Variants in CRB2 observed in about 807,000 individuals in gnomAD.
CRB2 encodes the protein protein crumbs homolog 2.
In CRB2, 85 loss-of-function variants were observed where a neutral mutation model predicts 110.9. That is an observed-to-expected ratio of 0.77 (90% CI 0.64 to 0.92). The LOEUF is 0.92. Among genes scored for constraint, CRB2 ranks in the 40% least tolerant of loss-of-function variants. The pLI is 0.00. For synonymous variants in CRB2, 907 were observed against 831.0 expected (o/e 1.09, Z -1.57); for missense variants, 1,843 against 1,851.3 (o/e 1.00, Z 0.08).
At chr9:123,359,560 C>T (rs946521650) in intron 1 of CRB2, among the ~76,000 whole-genome samples, 2 of 151,296 alleles carry the variant, frequency 1.3e-5, no homozygotes, top group African/African-American at 4.9e-5. Context: ...GCCATCCTCC[C>T]ACCTCAGCCT....
chr9:123,368,652 G>A, intron 6 of CRB2: 1 of 411,954 alleles, frequency 2.4e-6, no homozygotes, highest in Non-Finnish European at 3.4e-6. Flanking sequence ...CTCACTGTTG[G>A]GTGACAGGGA....
At position 123,373,599 on chromosome 9, in the gene CRB2, C is replaced by T; in HGVS notation, c.3068C>T (p.Pro1023Leu). 1 of 1,397,438 alleles carries T rather than the reference C, an allele frequency of 7.2e-7. No individual in the cohort carries two copies. Among genetic ancestry groups the T allele is most frequent in the Non-Finnish European group, 9.3e-7 (1 of 1,080,614 alleles). The allele number at this position is 1,397,438 out of a possible 1,614,324, so 86.6% of individuals were successfully genotyped here. Residue 1023 changes from proline (P) to leucine (L), a missense_variant, in exon 10 of 13, where the codon CCC (proline) becomes CTC (leucine). Physicochemically the swap from Pro to Leu is moderately conservative, Grantham distance 98. Transcript: ENST00000373631. ...GGCCGCGTGGCGCTGGGCGGCCTGC[C>T]CCTGCCCTTGGCGCGGCCCCGGCCC... ...CLGRVALGGL[P>L]LPLARPRPGA...
chr9:123,364,674 G>T (rs1403633243), intron 2 of CRB2, among the ~76,000 whole-genome samples: 2 of 152,162 alleles, frequency 1.3e-5, no homozygotes, highest in Non-Finnish European at 2.9e-5. Context: ...GCCCCCGCTT[G>T]ACCAAACCCA....
chr9:123,371,294 C>G lies in CRB2; in HGVS notation c.2152C>G (p.Pro718Ala). 1 of 1,613,360 alleles carries G rather than the reference C, an allele frequency of 6.2e-7. No individual in the cohort carries two copies. ...GCCGGGCAGTCCTGCTGTAGTGCTC[C>G]CTGGGCGCTGGGATGATGGGCTCCG... ...EVPGSPAVVL[P>A]GRWDDGLRHL... The change falls in exon 8 of 13, where the codon CCT becomes GCT. Residue 718 changes from proline (P) to alanine (A), a missense_variant. Transcript: ENST00000373631.
Position 123,375,262 on chromosome 9 carries a change from T to C in CRB2, c.3552T>C (p.Asn1184=). 8 of 1,611,906 alleles carry C rather than the reference T, an allele frequency of 5.0e-6. 1 individual carries two copies. In the South Asian group the frequency reaches 8.8e-5, roughly 18 times the overall value. Residue 1184 remains asparagine, a synonymous_variant, in exon 12 of 13, where the codon AAT becomes AAC. Transcript: ENST00000373631. ...CCTGTGAAGCCAACCCCTGCTTGAA[T>C]GGGGGCACCTGCCGGGCAGCTGGAG... ...TLPCEANPCL[N]GGTCRAAGGV... is the part of the protein sequence containing the mutation.
At chr9:123,372,470 C>CCCCGCCACACT in intron 9 of CRB2, 128 bp downstream of exon 9, 1 of 1,198,234 alleles carries the variant, frequency 8.3e-7, no homozygotes, top group Non-Finnish European at 1.1e-6. Context: ...GGCAGTGTGG[C>CCCCGCCACACT]GGGGCCACCG....
In CRB2 at chr9:123,370,572, C is replaced by T; in HGVS notation, c.1519C>T (p.Leu507=). The T allele has an allele frequency of 6.2e-7, 1 of 1,613,418 alleles. No individual in the cohort carries two copies. Among genetic ancestry groups the T allele is most frequent in the Non-Finnish European group, 8.5e-7 (1 of 1,180,028 alleles). The change falls in exon 7 of 13, where the codon CTG becomes TTG. Residue 507 remains leucine, a synonymous_variant. Transcript: ENST00000373631. Reference sequence around the variant, plus strand: ...GAGCTACAGCACCACTGTGCTTGTCCTGAGACTGCCGGACCTGGCCCTAAA... The same window carrying T: ...GAGCTACAGCACCACTGTGCTTGTCTTGAGACTGCCGGACCTGGCCCTAAA... ...LWSYSTTVLV[L]RLPDLALNDG...
At chr9:123,368,716 G>C (rs1393118026) in intron 6 of CRB2, 1 of 1,042,636 alleles carries the variant, frequency 9.6e-7, no homozygotes, top group Admixed American at 5.3e-5. Context: ...TGCAGGGCTG[G>C]GCTCTTTGCC....
chr9:123,380,038 G>A (rs1206292721), downstream of CRB2: 1 of 152,310 alleles, frequency 6.6e-6, no homozygotes, highest in Non-Finnish European at 1.5e-5. Context: ...GCCTCACTGA[G>A]CATGTGCAGC....
chr9:123,365,768 C>T lies in CRB2; in HGVS notation c.419-149C>T, dbSNP rs1001194594. ...TCTCCCTGCGGTTGCTGGCATGACC[C>T]GTCCCCCACCCCCCAACCACCACCA... On this transcript the variant is annotated intron_variant, in intron 2 of 12. Transcript: ENST00000373631. 2.3e-5 allele frequency: 16 copies of T among 691,494 alleles called. No homozygotes were observed. The Admixed American group carries it at 5.1e-4, about 22-fold the overall frequency. 42.8% of individuals were successfully genotyped at this position (691,494 alleles called of 1,614,324 possible). A position where few individuals can be genotyped will look rare whatever the true frequency, so the allele number is the denominator to read the frequency against.
chr9:123,373,947 C>T (rs1370844687), intron 10 of CRB2, 27 bp downstream of exon 10: 3 of 1,549,622 alleles, frequency 1.9e-6, no homozygotes, highest in South Asian at 1.2e-5. Context: ...GGGGGGTGGG[C>T]TGCGAATGCC....
At chr9:123,356,379 G>C in intron 1 of CRB2, 25 bp downstream of exon 1, 1 of 1,505,708 alleles carries the variant, frequency 6.6e-7, no homozygotes, top group South Asian at 1.3e-5. Context: ...ATGTCTGGAG[G>C]GGCCTGGGAG....
At chr9:123,366,178 G>C (rs1405930154) in intron 3 of CRB2, 49 bp from the exon 4 acceptor site, 2 of 1,381,366 alleles carry the variant, frequency 1.4e-6, no homozygotes, top group Non-Finnish European at 1.9e-6. Flanking sequence ...CCAGGCGCGG[G>C]GCAGAAGGGG....
chr9:123,367,270 T>A lies in CRB2; in HGVS notation c.853T>A (p.Tyr285Asn), dbSNP rs2041947065. 6.2e-7 allele frequency: 1 copy of A among 1,600,252 alleles called. No individual in the cohort carries two copies. The highest frequency in any genetic ancestry group is 8.5e-7 in the Non-Finnish European group (1 of 1,178,316). The part of the protein sequence containing the change: ...RCLQRSDPAL[Y>N]GGVQAAFPGA... ...CCTGCAGCGCTCTGACCCGGCCCTCTACGGGGGTGTCCAGGCCGCCTTCCC... is the reference window on the plus strand; with the variant it reads ...CCTGCAGCGCTCTGACCCGGCCCTCAACGGGGGTGTCCAGGCCGCCTTCCC... Residue 285 changes from tyrosine (Y) to asparagine (N), a missense_variant, in exon 5 of 13, where the codon TAC (tyrosine) becomes AAC (asparagine). Tyr to Asn is a moderately radical substitution (Grantham distance 143). Transcript: ENST00000373631.
At position 123,370,881 on chromosome 9, in the gene CRB2, C is replaced by T. The variant is rs145286619; in HGVS notation, c.1828C>T (p.Arg610Trp). The part of the protein sequence containing the change: ...LLGCERREQC[R>W]PLPCVHGGSC... ...GGGCTGTGAGCGCCGAGAGCAGTGC[C>T]GGCCTCTGCCTTGTGTCCACGGAGG... Residue 610 changes from arginine (R) to tryptophan (W), a missense_variant, in exon 7 of 13, where the codon CGG becomes TGG. Arg to Trp is a moderately radical substitution (Grantham distance 101). Transcript: ENST00000373631. 15,627 of 1,611,906 alleles carry T rather than the reference C, an allele frequency of 9.7e-3. 87 individuals are homozygous for T. The highest frequency in any genetic ancestry group is 0.014 in the Middle Eastern group (82 of 6,062).
chr9:123,356,120 AGGCGGT>A, upstream of CRB2: 1 of 370,174 alleles, frequency 2.7e-6, no homozygotes, highest in Non-Finnish European at 4.2e-6. Flanking sequence ...TGGGAGGAGG[AGGCGGT>A]GGCGGGGAGG....
chr9:123,372,976 T>C lies in CRB2; in HGVS notation c.2603-158T>C, dbSNP rs906675126. Among the ~76,000 whole-genome samples, 8 of 152,120 alleles carry C rather than the reference T, an allele frequency of 5.3e-5. 1 individual carries two copies. The highest frequency in any genetic ancestry group is 2.6e-4 in the Admixed American group (4 of 15,288). The stretch of plus-strand genomic sequence containing the variant: ...AATACATTGGGAGTAGAAGTGAGGG[T>C]GGTGGGGGCGGCTGCAGTTTCCAGG... On this transcript the variant is annotated intron_variant, in intron 9 of 12. Coordinates refer to ENST00000373631, the MANE Select transcript of CRB2 (RefSeq NM_173689.7).
In CRB2 at chr9:123,372,183, C is replaced by T. The variant is rs753579120; in HGVS notation, c.2443C>T (p.Pro815Ser). The T allele has an allele frequency of 6.2e-7, 1 of 1,614,108 alleles. No individual in the cohort carries two copies. The highest frequency in any genetic ancestry group is 1.1e-5 in the South Asian group (1 of 91,080). The change falls in exon 9 of 13, where the codon CCC becomes TCC. Residue 815 changes from proline (P) to serine (S), a missense_variant. Pro to Ser is a moderately conservative substitution (Grantham distance 74). Transcript: ENST00000373631. ...TGCCCTGCCTCTCCCACAGCCTGAC[C>T]CCTGTTTCAATGGTGGGACTTGCCT... The part of the protein sequence containing the change: ...CVSEDMCSPD[P>S]CFNGGTCLVT...
chr9:123,378,962 T>C (rs1345135938), downstream of CRB2, among the ~76,000 whole-genome samples: 1 of 151,678 alleles, frequency 6.6e-6, no homozygotes, highest in Admixed American at 6.6e-5. Flanking sequence ...TACAGGTGCC[T>C]GCTTTTAGTA....
Sources: gnomAD v4.1 joint callset for allele counts (sites outside exome capture counted in the v4.1 genomes callset) on GRCh38, gnomAD v4.1.1 for gene constraint, MANE v1.5 for transcripts, NCBI Gene and HGNC (gene_info 2026-07-23, HGNC 2026-07-21) for gene names.